NAV3: variants seen among roughly 807,000 people sequenced by gnomAD.
The protein encoded by NAV3 is pore membrane and/or filament interacting like protein 1.
Under a neutral mutation model 244.7 loss-of-function variants are expected in NAV3, and 87 were observed. The observed-to-expected ratio is 0.36, with a 90% confidence interval of 0.30 to 0.42. The LOEUF is 0.42. Ranked by LOEUF, NAV3 falls within the 20% of genes least tolerant of loss-of-function variation. NAV3 has a pLI of 1.00. For missense variants in NAV3, 2,663 were observed against 2,893.3 expected (o/e 0.92, Z 1.83); for synonymous variants, 1,126 against 1,042.2 (o/e 1.08, Z -1.55).
chr12:77,845,034 A>G (rs1876375944), intron 1 of NAV3, among the ~76,000 whole-genome samples: 1 of 152,232 alleles, frequency 6.6e-6, no homozygotes, highest in Non-Finnish European at 1.5e-5. Flanking sequence ...CTACAAACAC[A>G]CAATTTTTAG....
At chr12:78,100,031 G>T (rs1469762901) in intron 12 of NAV3, among the ~76,000 whole-genome samples, 1 of 151,742 alleles carries the variant, frequency 6.6e-6, no homozygotes, top group Non-Finnish European at 1.5e-5. Context: ...GAAAATAAAA[G>T]CAAATAAAAA....
chr12:78,113,813 T>A (rs1216842492), intron 12 of NAV3, among the ~76,000 whole-genome samples: 1 of 152,202 alleles, frequency 6.6e-6, no homozygotes, highest in East Asian at 1.9e-4. Flanking sequence ...CCTCAGAAAA[T>A]GAGTTTTTCT....
At chr12:77,609,692 C>A (rs12816461) in intron 2 of NAV3, among the ~76,000 whole-genome samples, 1 of 151,824 alleles carries the variant, frequency 6.6e-6, no homozygotes, top group South Asian at 2.1e-4. Flanking sequence ...ACTTTGGGAA[C>A]CACTAGTTTA....
At chr12:78,205,277 C>A in intron 39 of NAV3, 139 bp downstream of exon 39, 1 of 876,710 alleles carries the variant, frequency 1.1e-6, no homozygotes, top group Non-Finnish European at 1.7e-6. Context: ...CTTTGGCCTG[C>A]TTTCCATGGA....
At chr12:77,830,148 A>C (rs1412412739), upstream of NAV3, among the ~76,000 whole-genome samples, 2 of 152,208 alleles carry the variant, frequency 1.3e-5, no homozygotes, top group Admixed American at 1.3e-4. Context: ...ACATGCTATG[A>C]TTATATTAAA....
At chr12:77,873,744 G>GTGTGTATATCTATATATA (rs776225440) in intron 1 of NAV3, among the ~76,000 whole-genome samples, 1 of 73,182 alleles carries the variant, frequency 1.4e-5, no homozygotes, top group African/African-American at 4.5e-5. Context: ...ATGTGTGTGT[G>GTGTGTATATCTATATATA]TATATATATA....
At chr12:77,787,481 A>T (rs1870958697) in intron 2 of NAV3, among the ~76,000 whole-genome samples, 2 of 152,194 alleles carry the variant, frequency 1.3e-5, no homozygotes. Context: ...TGGAAAGAGA[A>T]GCAAACACAT....
chr12:77,658,056 G>A (rs1048701061), intron 2 of NAV3, among the ~76,000 whole-genome samples: 1 of 150,678 alleles, frequency 6.6e-6, no homozygotes, highest in African/African-American at 2.4e-5. Context: ...ACAAGACAGG[G>A]ATGCCCTCTC....
chr12:77,595,103 C>T (rs772376), intron 2 of NAV3, among the ~76,000 whole-genome samples: 4,856 of 152,166 alleles, frequency 0.032, 109 homozygotes, highest in Middle Eastern at 0.071. Context: ...GATATCTGCA[C>T]TCCCATGTTG....
chr12:77,767,218 T>A (rs1318665466), intron 2 of NAV3, among the ~76,000 whole-genome samples: 1 of 152,234 alleles, frequency 6.6e-6, no homozygotes, highest in Non-Finnish European at 1.5e-5. Context: ...ATGGACAGAC[T>A]TAGGATTTCC....
chr12:78,092,495 T>C (rs896595818), intron 12 of NAV3, among the ~76,000 whole-genome samples: 6 of 131,300 alleles, frequency 4.6e-5, no homozygotes, highest in East Asian at 2.1e-4. Context: ...TATTTTCTTT[T>C]TTTTTTTTTT....
intron 2 of NAV3, among the ~76,000 whole-genome samples, chr12:77,741,167 G>GAAAAGAAAAAAAAAAAAAAAA (rs1868327860): frequency 1.3e-5 from 1 of 76,074 alleles, no homozygotes; most frequent in Non-Finnish European, 2.8e-5. Flanking sequence ...AAAAAAAAAA[G>GAAAAGAAAAAAAAAAAAAAAA]AAAAGAAAGA....
chr12:78,141,090 C>T (rs1245486308), intron 20 of NAV3, among the ~76,000 whole-genome samples: 1 of 151,900 alleles, frequency 6.6e-6, no homozygotes, highest in Admixed American at 6.6e-5. Flanking sequence ...AAGGTCATTG[C>T]TATATTGACC....
intron 38 of NAV3, among the ~76,000 whole-genome samples, chr12:78,200,928 C>A (rs1248637260): frequency 6.6e-6 from 1 of 151,762 alleles, no homozygotes; most frequent in Non-Finnish European, 1.5e-5. Flanking sequence ...TGAGCCTTGA[C>A]CATTTATATT....
intron 34 of NAV3, among the ~76,000 whole-genome samples, chr12:78,196,219 C>G (rs1213061907): frequency 6.6e-6 from 1 of 151,888 alleles, no homozygotes; most frequent in Non-Finnish European, 1.5e-5. Context: ...GTGATTAGCT[C>G]AATAGAAAAC....
At chr12:78,076,460 A>G (rs542180804) in intron 12 of NAV3, among the ~76,000 whole-genome samples, 1 of 152,210 alleles carries the variant, frequency 6.6e-6, no homozygotes, top group Admixed American at 6.5e-5. Flanking sequence ...ACCCAAAGAC[A>G]GGGACTCCCA....
intron 3 of NAV3, among the ~76,000 whole-genome samples, chr12:77,951,259 G>T (rs1324255980): frequency 6.6e-6 from 1 of 152,180 alleles, no homozygotes; most frequent in Admixed American, 6.5e-5. Flanking sequence ...AGTGGGCGAA[G>T]GATATGAACA....
chr12:77,757,589 T>A (rs1869249898), intron 2 of NAV3, among the ~76,000 whole-genome samples: 1 of 152,206 alleles, frequency 6.6e-6, no homozygotes, highest in Non-Finnish European at 1.5e-5. Context: ...GGTATGTCTA[T>A]GCATAGTGAA....
intron 20 of NAV3, among the ~76,000 whole-genome samples, 154 bp downstream of exon 20, chr12:78,140,488 A>G (rs1252635207): frequency 1.3e-5 from 2 of 152,142 alleles, no homozygotes; most frequent in African/African-American, 2.4e-5. Flanking sequence ...CCAATACCCA[A>G]TAAAGTGCCA....
Sources: gnomAD v4.1 joint callset for allele counts (sites outside exome capture counted in the v4.1 genomes callset) on GRCh38, gnomAD v4.1.1 for gene constraint, MANE v1.5 for transcripts, NCBI Gene and HGNC (gene_info 2026-07-23, HGNC 2026-07-21) for gene names.